The following SLC38A6 variants were observed in gnomAD, a reference collection of about 807,000 sequenced individuals.
SLC38A6 encodes the protein solute carrier family 38 member 6.
Under a neutral mutation model 65.0 loss-of-function variants are expected in SLC38A6, and 73 were observed. That is an observed-to-expected ratio of 1.12 (90% CI 0.93 to 1.37). The LOEUF is 1.37. Among genes scored for constraint, SLC38A6 ranks in the 40% most tolerant of loss-of-function variants. The pLI, the probability that SLC38A6 is intolerant of heterozygous loss-of-function variation, is 0.00. For synonymous variants in SLC38A6, 183 were observed against 178.8 expected (o/e 1.02, Z -0.19); for missense variants, 561 against 531.1 (o/e 1.06, Z -0.55).
rs561767284 is a variant in SLC38A6, at chr14:61,061,419, G to T, written c.1290+9284G>T. ...TCTTTTTTTATTGTGTCTCTGTCAT[G>T]TTTTAGTATCAAGGTGATGCTGGCC... On this transcript the variant is annotated intron_variant, in intron 15 of 16. Transcript: ENST00000354886. 3.2e-3 allele frequency among the ~76,000 whole-genome samples: 482 copies of T among 152,274 alleles called. 1 individual carries two copies. Among genetic ancestry groups the T allele is most frequent in the African/African-American group, 0.011 (451 of 41,568 alleles).
At chr14:61,026,057 A>G (rs2040593289) in intron 5 of SLC38A6, among the ~76,000 whole-genome samples, 1 of 152,184 alleles carries the variant, frequency 6.6e-6, no homozygotes, top group Non-Finnish European at 1.5e-5. Flanking sequence ...TTCTGTCCTC[A>G]TACATATATT....
At chr14:61,083,577 C>T in exon 17 of SLC38A6, 1 of 1,550,458 alleles carries the variant, frequency 6.4e-7, no homozygotes, top group South Asian at 1.2e-5. Context: ...TGGAGATGTG[C>T]ACCCAGAGGA....
intron 12 of SLC38A6, among the ~76,000 whole-genome samples, chr14:61,048,633 T>G (rs935913760): frequency 9.9e-5 from 15 of 152,230 alleles, no homozygotes; most frequent in Non-Finnish European, 1.8e-4. Context: ...TCTTCAAGAT[T>G]CAGGAGCTGC....
intron 3 of SLC38A6, among the ~76,000 whole-genome samples, chr14:60,993,765 T>C (rs2038075301): frequency 6.6e-6 from 1 of 152,236 alleles, no homozygotes; most frequent in Non-Finnish European, 1.5e-5. Flanking sequence ...ATTTAGTCTT[T>C]TAATGCATCA....
intron 3 of SLC38A6, among the ~76,000 whole-genome samples, chr14:61,000,866 T>A (rs938730606): frequency 6.6e-5 from 10 of 152,208 alleles, no homozygotes; most frequent in African/African-American, 2.4e-4. Flanking sequence ...GAATTAAAAC[T>A]GACTGAAAGG....
chr14:60,993,214 C>A (rs371860922), intron 3 of SLC38A6, among the ~76,000 whole-genome samples: 1 of 152,102 alleles, frequency 6.6e-6, no homozygotes, highest in Non-Finnish European at 1.5e-5. Flanking sequence ...ATTATTCTCA[C>A]AATAGCAATG....
At chr14:60,996,328 A>G (rs1056640164) in intron 3 of SLC38A6, among the ~76,000 whole-genome samples, 2 of 152,228 alleles carry the variant, frequency 1.3e-5, no homozygotes, top group Non-Finnish European at 2.9e-5. Flanking sequence ...TGCATTCTTG[A>G]AACAAAAATA....
At position 61,010,218 on chromosome 14, in the gene SLC38A6, T is replaced by C. The variant is rs571922599; in HGVS notation, c.311-5686T>C. ...TCTGTTCATATCCTTCGCCCACTTG[T>C]TGATGCGGTTGTTTTTTTCTTGTAA... On this transcript the variant is annotated intron_variant, in intron 3 of 15. Transcript: ENST00000267488. Among the ~76,000 whole-genome samples, 315 of 152,204 alleles carry C rather than the reference T, an allele frequency of 2.1e-3. 1 individual carries two copies. Among genetic ancestry groups the C allele is most frequent in the African/African-American group, 6.8e-3 (283 of 41,560 alleles).
chr14:61,029,985 G>A (rs146296638), intron 5 of SLC38A6, among the ~76,000 whole-genome samples: 310 of 152,270 alleles, frequency 2.0e-3, no homozygotes, highest in Admixed American at 3.5e-3. Flanking sequence ...CTGTTGTGGG[G>A]AGGCATCTTT....
chr14:61,023,020 A>G (rs1486378967), intron 5 of SLC38A6, among the ~76,000 whole-genome samples: 1 of 152,134 alleles, frequency 6.6e-6, no homozygotes, highest in African/African-American at 2.4e-5. Context: ...ATGTGTTTTT[A>G]TTTGTTTTCC....
chr14:61,041,864 C>T (rs1260998754), intron 8 of SLC38A6, among the ~76,000 whole-genome samples: 1 of 152,024 alleles, frequency 6.6e-6, no homozygotes, highest in African/African-American at 2.4e-5. Flanking sequence ...TGTGTTACTG[C>T]ACTCCAGGCT....
chr14:60,985,044 T>G (rs1434853858), intron 3 of SLC38A6, among the ~76,000 whole-genome samples: 1 of 152,164 alleles, frequency 6.6e-6, no homozygotes, highest in Non-Finnish European at 1.5e-5. Context: ...CAACACAACC[T>G]AATTTTCTGG....
chr14:61,022,416 A>G (rs2040390638), intron 5 of SLC38A6, among the ~76,000 whole-genome samples: 2 of 151,588 alleles, frequency 1.3e-5, no homozygotes, highest in South Asian at 2.1e-4. Flanking sequence ...CTTGCAAACA[A>G]CATACTTATT....
At chr14:61,032,486 C>T (rs1254658753) in intron 6 of SLC38A6, among the ~76,000 whole-genome samples, 1 of 151,648 alleles carries the variant, frequency 6.6e-6, no homozygotes, top group Non-Finnish European at 1.5e-5. Flanking sequence ...ACTTCCATCT[C>T]ATTCATATTA....
chr14:60,997,975 T>C (rs765587402), intron 3 of SLC38A6, among the ~76,000 whole-genome samples: 5 of 151,802 alleles, frequency 3.3e-5, no homozygotes, highest in Non-Finnish European at 5.9e-5. Flanking sequence ...TCTTGTCTAC[T>C]AATAAGAAAG....
At chr14:61,013,424 G>A (rs372797990) in intron 3 of SLC38A6, among the ~76,000 whole-genome samples, 29 of 152,194 alleles carry the variant, frequency 1.9e-4, no homozygotes, top group South Asian at 6.2e-4. Flanking sequence ...TGATCCTGTC[G>A]TTATGATGTT....
chr14:61,048,366 C>A (rs2042289890), intron 12 of SLC38A6: 1 of 321,046 alleles, frequency 3.1e-6, no homozygotes, highest in Non-Finnish European at 6.1e-6. Context: ...AACTTAATAC[C>A]CTGTTTGACA....
rs537748719 is a variant in SLC38A6 at position 61,019,265 on chromosome 14, G to A, written c.364-276G>A. On this transcript the variant is annotated intron_variant, in intron 4 of 15. Coordinates refer to ENST00000267488, the MANE Select transcript of SLC38A6 (RefSeq NM_153811.3). ...TTAATTTTTATACTTGATAATCATC[G>A]ATTACTAGCTTTTAACACTTTTAAC... Among the ~76,000 whole-genome samples, 7 of 152,166 alleles carry A rather than the reference G, an allele frequency of 4.6e-5. No homozygotes were observed. The South Asian group carries it at 1.2e-3, about 27-fold the overall frequency.
At chr14:61,039,026 CAT>C (rs1457308491) in intron 8 of SLC38A6, among the ~76,000 whole-genome samples, 2 of 152,264 alleles carry the variant, frequency 1.3e-5, no homozygotes, top group Non-Finnish European at 2.9e-5. Context: ...GTATAGATAA[CAT>C]ATTGAATTTT....
Sources: allele counts gnomAD v4.1 joint callset (sites outside exome capture counted in the v4.1 genomes callset), GRCh38; gene constraint gnomAD v4.1.1; transcripts MANE v1.5; gene names NCBI Gene and HGNC (gene_info 2026-07-23, HGNC 2026-07-21).